Variants in LPP observed in about 807,000 individuals in gnomAD.
LPP encodes the protein lipoma-preferred partner.
LPP carries 38 observed loss-of-function variants against 60.4 expected under a neutral mutation model. The observed-to-expected ratio is 0.63, with a 90% CI of 0.49 to 0.83. The LOEUF (loss-of-function observed/expected upper bound fraction) is 0.83. LPP is among the 40% of genes least tolerant of loss of function. LPP has a pLI of 0.00. For synonymous variants in LPP, 328 were observed against 290.8 expected (o/e 1.13, Z -1.30); for missense variants, 902 against 783.6 (o/e 1.15, Z -1.80).
At chr3:188,670,394 A>G (rs1335263194) in intron 7 of LPP, among the ~76,000 whole-genome samples, 2 of 152,098 alleles carry the variant, frequency 1.3e-5, no homozygotes, top group Admixed American at 6.5e-5. Context: ...CAATGGTCAC[A>G]TAGATGTCAA....
chr3:188,788,482 T>A (rs576484924), intron 9 of LPP, among the ~76,000 whole-genome samples: 2 of 152,324 alleles, frequency 1.3e-5, no homozygotes, highest in East Asian at 3.9e-4. Flanking sequence ...ATCCTCCCCA[T>A]CATCCTGTAA....
chr3:188,500,073 T>C (rs1266256936), intron 5 of LPP, among the ~76,000 whole-genome samples: 1 of 152,168 alleles, frequency 6.6e-6, no homozygotes, highest in African/African-American at 2.4e-5. Flanking sequence ...TTTAATTCTT[T>C]CTTTTTAATT....
At chr3:188,636,085 A>G (rs1848674999) in intron 7 of LPP, among the ~76,000 whole-genome samples, 5 of 152,248 alleles carry the variant, frequency 3.3e-5, no homozygotes, top group Admixed American at 3.3e-4. Flanking sequence ...GCTCCGGTCT[A>G]CAGCTCCCAG....
intron 6 of LPP, among the ~76,000 whole-genome samples, chr3:188,562,066 CA>C (rs1830831565): frequency 1.3e-5 from 2 of 151,544 alleles, no homozygotes; most frequent in Non-Finnish European, 2.9e-5. Context: ...CACACACAGA[CA>C]CACACAGACA....
chr3:188,787,899 G>T (rs887789542), intron 9 of LPP, among the ~76,000 whole-genome samples: 3 of 152,164 alleles, frequency 2.0e-5, no homozygotes, highest in Non-Finnish European at 4.4e-5. Flanking sequence ...CTCCAGATAT[G>T]TATCTATCAT....
intron 7 of LPP, among the ~76,000 whole-genome samples, chr3:188,651,580 A>G (rs1297651034): frequency 1.3e-5 from 2 of 152,220 alleles, no homozygotes. Context: ...AGAAGTTTCA[A>G]TGGACTTATG....
At chr3:188,378,532 C>T (rs1415984843) in intron 3 of LPP, among the ~76,000 whole-genome samples, 1 of 152,290 alleles carries the variant, frequency 6.6e-6, no homozygotes, top group East Asian at 1.9e-4. Context: ...ATATAATCTC[C>T]TGATGTGCCA....
chr3:188,378,375 G>T (rs906831917), intron 3 of LPP, among the ~76,000 whole-genome samples: 2 of 152,168 alleles, frequency 1.3e-5, no homozygotes, highest in Admixed American at 6.5e-5. Flanking sequence ...CTTCCTGGCC[G>T]CTTTGTTTAC....
At chr3:188,859,645 G>T (rs779585511) in intron 9 of LPP, among the ~76,000 whole-genome samples, 24 of 152,166 alleles carry the variant, frequency 1.6e-4, no homozygotes, top group Non-Finnish European at 7.4e-5. Context: ...AGGCAGCTCT[G>T]CTCTTTAGAG....
At chr3:188,261,443 T>A (rs545993291) in intron 2 of LPP, among the ~76,000 whole-genome samples, 1 of 152,354 alleles carries the variant, frequency 6.6e-6, no homozygotes, top group South Asian at 2.1e-4. Flanking sequence ...GGTGCTATCA[T>A]TTATTTTTTT....
intron 3 of LPP, among the ~76,000 whole-genome samples, chr3:188,378,361 C>G (rs1206754906): frequency 2.0e-5 from 3 of 152,224 alleles, no homozygotes; most frequent in East Asian, 3.9e-4. Context: ...CCACCGAGTT[C>G]AAGCTTCCTG....
intron 9 of LPP, among the ~76,000 whole-genome samples, chr3:188,823,092 C>T (rs972397956): frequency 2.6e-5 from 4 of 151,974 alleles, no homozygotes; most frequent in African/African-American, 9.7e-5. Flanking sequence ...AATCTGTGAG[C>T]CAGAAAGGAG....
chr3:188,204,454 G>A (rs867124785), intron 1 of LPP, among the ~76,000 whole-genome samples: 6 of 152,118 alleles, frequency 3.9e-5, no homozygotes, highest in South Asian at 2.1e-4. Flanking sequence ...TTGGAGTAGC[G>A]GGGGGTGATT....
In LPP at chr3:188,610,292, G is replaced by A. The variant is rs1307165017; in HGVS notation, c.1113+448G>A. On this transcript the variant is annotated intron_variant, in intron 7 of 11. Transcript: ENST00000617246. The surrounding 1 kb of genome is among the most constrained non-coding windows in gnomAD (Gnocchi z 4.4). The stretch of plus-strand genomic sequence containing the variant: ...GTAGTGATCTATGGGTGAGACATGT[G>A]GAGGGCAAAACTGAGTGAACTGCTG... Among the ~76,000 whole-genome samples the A allele has an allele frequency of 6.6e-6, 1 of 152,206 alleles. No individual in the cohort carries two copies. The highest frequency in any genetic ancestry group is 1.5e-5 in the Non-Finnish European group (1 of 68,040).
intron 4 of LPP, among the ~76,000 whole-genome samples, chr3:188,440,558 T>C (rs1242952190): frequency 6.6e-6 from 1 of 152,208 alleles, no homozygotes; most frequent in Admixed American, 6.5e-5. Flanking sequence ...GTTATTTACA[T>C]CTGACATTCT....
chr3:188,622,646 T>A (rs184950709), intron 7 of LPP, among the ~76,000 whole-genome samples: 140 of 152,240 alleles, frequency 9.2e-4, no homozygotes, highest in Middle Eastern at 3.4e-3. Flanking sequence ...AAAACTCAGC[T>A]CGTCCTCAAA....
intron 6 of LPP, among the ~76,000 whole-genome samples, chr3:188,559,739 AAT>A (rs1270320553): frequency 6.6e-6 from 1 of 152,044 alleles, no homozygotes; most frequent in East Asian, 1.9e-4. Flanking sequence ...CACAATGGGA[AAT>A]ATGTTTACTT....
chr3:188,420,971 G>A (rs1787635294), intron 4 of LPP, among the ~76,000 whole-genome samples: 4 of 152,094 alleles, frequency 2.6e-5, no homozygotes. Context: ...GTAAGGCAGG[G>A]CATAGAAATG....
At chr3:188,619,547 G>A (rs561821713) in intron 7 of LPP, among the ~76,000 whole-genome samples, 13 of 152,260 alleles carry the variant, frequency 8.5e-5, no homozygotes, top group Admixed American at 4.6e-4. Context: ...TGTAAATAAT[G>A]TTTGCTTGAA....
Sources: allele counts gnomAD v4.1 joint callset (sites outside exome capture counted in the v4.1 genomes callset), GRCh38; gene constraint gnomAD v4.1.1; non-coding constraint Gnocchi (gnomAD v3.1); transcripts MANE v1.5; gene names NCBI Gene and HGNC (gene_info 2026-07-23, HGNC 2026-07-21).